Variants in COL6A1 observed in about 807,000 individuals in gnomAD.
The protein encoded by COL6A1 is collagen alpha-1(VI) chain.
A neutral mutation model predicts 145.6 loss-of-function variants in COL6A1; 80 were observed. The observed-to-expected ratio is 0.55, with a 90% CI of 0.46 to 0.66. The LOEUF (loss-of-function observed/expected upper bound fraction) is 0.66. Ranked by LOEUF, COL6A1 falls within the 30% of genes least tolerant of loss-of-function variation. COL6A1 has a pLI of 0.00. For missense variants in COL6A1, 1,364 were observed against 1,473.8 expected (o/e 0.93, Z 1.22); for synonymous variants, 638 against 622.8 (o/e 1.02, Z -0.36).
At chr21:45,992,880 C>G in intron 19 of COL6A1, 70 bp downstream of exon 19, 1 of 1,379,366 alleles carries the variant, frequency 7.2e-7, no homozygotes, top group Non-Finnish European at 1.0e-6. Flanking sequence ...CTGGGTCAGG[C>G]CTCCAGAGCC....
chr21:45,988,586 G>A (rs979989086), intron 8 of COL6A1, among the ~76,000 whole-genome samples: 2 of 152,132 alleles, frequency 1.3e-5, no homozygotes, highest in Non-Finnish European at 2.9e-5. Context: ...GCCCTCAGCC[G>A]CACTCTGTTC....
Position 45,998,104 on chromosome 21 carries a change from C to T in COL6A1, c.1525-17C>T. On this transcript the variant is annotated splice_polypyrimidine_tract_variant and intron_variant, in intron 22 of 34. Coordinates refer to ENST00000361866, the MANE Select transcript of COL6A1 (RefSeq NM_001848.3). The stretch of plus-strand genomic sequence containing the variant: ...GCCAGGCCGATTCGCACGGTGACGG[C>T]TACTCTGCTCCCCCAGGGAGAAGAC... 1 of 1,611,772 alleles carries T rather than the reference C, an allele frequency of 6.2e-7. No homozygotes were observed. The highest frequency in any genetic ancestry group is 1.1e-5 in the South Asian group (1 of 90,898).
chr21:45,990,325 G>A (rs371325737), intron 12 of COL6A1, 41 bp downstream of exon 12: 326 of 1,612,532 alleles, frequency 2.0e-4, no homozygotes, highest in Non-Finnish European at 2.7e-4. Context: ...CTGCCCCCAC[G>A]GCAGCATGTC....
At chr21:45,983,683 C>T (rs549300680) in intron 2 of COL6A1, among the ~76,000 whole-genome samples, 127 of 152,114 alleles carry the variant, frequency 8.3e-4, no homozygotes, top group Non-Finnish European at 1.4e-3. Flanking sequence ...CTGTGGATGG[C>T]ACCGGGGAGG....
intron 2 of COL6A1, among the ~76,000 whole-genome samples, chr21:45,983,333 G>A (rs971861529): frequency 6.6e-6 from 1 of 151,028 alleles, no homozygotes; most frequent in Non-Finnish European, 1.5e-5. Flanking sequence ...CCATCTGTGC[G>A]TGTGGCTGAG....
rs1330933906 is a variant in COL6A1 at position 46,002,345 on chromosome 21, TCAGA to T, written c.2197_2200del (p.Asp733LeufsTer69). On this transcript the variant is annotated frameshift_variant, in exon 32 of 35. Coordinates refer to ENST00000361866, the MANE Select transcript of COL6A1 (RefSeq NM_001848.3). LOFTEE classifies it high-confidence loss of function. ...CGCCCTGGTCATCACTGACGGGCGC[TCAGA>T]CACTCAGAGGGACACCACACCGCTC... 2 of 1,591,540 alleles carry T rather than the reference TCAGA, an allele frequency of 1.3e-6. No homozygotes were observed. The highest frequency in any genetic ancestry group is 1.7e-6 in the Non-Finnish European group (2 of 1,169,846).
chr21:45,987,198 C>G (rs1213674923), intron 6 of COL6A1, 23 bp downstream of exon 6: 1 of 1,591,280 alleles, frequency 6.3e-7, no homozygotes, highest in East Asian at 2.2e-5. Context: ...CCCACCACCC[C>G]CAGCCGTGAG....
Position 46,004,104 on chromosome 21 carries a change from C to T in COL6A1, c.*91C>T. The T allele has an allele frequency of 2.0e-6, 3 of 1,519,186 alleles. No individual in the cohort carries two copies. Among genetic ancestry groups the T allele is most frequent in the Non-Finnish European group, 2.7e-6 (3 of 1,109,870 alleles). 94.1% of individuals were successfully genotyped at this position (1,519,186 alleles called of 1,614,324 possible). ...AAAATGTGATGCGAATTTTCCCGAC[C>T]AACCTGATTCGCTAGATTTTTTTTA... On this transcript the variant is annotated 3_prime_UTR_variant, in exon 35 of 35. Coordinates refer to ENST00000361866, the MANE Select transcript of COL6A1 (RefSeq NM_001848.3).
At chr21:45,986,208 C>A (rs1399252878) in intron 3 of COL6A1, among the ~76,000 whole-genome samples, 2 of 152,162 alleles carry the variant, frequency 1.3e-5, no homozygotes, top group African/African-American at 4.8e-5. Context: ...GGGGCACGCT[C>A]CCTGCCACCC....
intron 11 of COL6A1, 82 bp from the exon 12 acceptor site, chr21:45,990,176 C>T (rs2077766292): frequency 5.1e-6 from 8 of 1,561,584 alleles, no homozygotes; most frequent in African/African-American, 1.4e-5. Context: ...ACCCAAGCCC[C>T]TGCCTCGCGT....
intron 29 of COL6A1, 141 bp downstream of exon 29, chr21:46,000,908 G>T: frequency 2.7e-6 from 3 of 1,107,228 alleles, no homozygotes; most frequent in Non-Finnish European, 4.1e-6. Flanking sequence ...CCCCTCTGGG[G>T]CCTGCTCCAA....
Position 45,986,946 on chromosome 21 carries a change from G to A in COL6A1, c.591G>A (p.Glu197=), listed in dbSNP as rs368545556. The change falls in exon 5 of 35, where the codon GAG becomes GAA. Residue 197 remains glutamate (E), a splice_region_variant and synonymous_variant. Transcript: ENST00000361866. ...CCCACCCTGAACACTGCCCCCAGGA[G>A]CCGCGTCTGAGCATCATCGCCACGG... ...FSVAITPDHL[E]PRLSIIATDH... The A allele has an allele frequency of 6.5e-7, 1 of 1,548,572 alleles. No individual in the cohort carries two copies. Among genetic ancestry groups the A allele is most frequent in the Non-Finnish European group, 8.7e-7 (1 of 1,150,276 alleles).
intron 32 of COL6A1, 54 bp from the exon 33 acceptor site, chr21:46,002,473 A>T: frequency 6.2e-7 from 1 of 1,613,424 alleles, no homozygotes; most frequent in Non-Finnish European, 8.5e-7. Context: ...CCTTGTCCCC[A>T]GAAAGACGAG....
Position 45,998,175 on chromosome 21 carries a change from A to G in COL6A1, c.1575+4A>G, listed in dbSNP as rs1306019240. The G allele has an allele frequency of 1.2e-6, 2 of 1,611,788 alleles. No individual in the cohort carries two copies. Among genetic ancestry groups the G allele is most frequent in the Admixed American group, 1.7e-5 (1 of 59,938 alleles). ...CGAGGGCTTCCCCGGCTTCCCCGTAAGTGTCCGGAGGCTGAGCCCACAGGA... is the reference window on the plus strand; with the variant it reads ...CGAGGGCTTCCCCGGCTTCCCCGTAGGTGTCCGGAGGCTGAGCCCACAGGA... On this transcript the variant is annotated splice_donor_region_variant and intron_variant, in intron 23 of 34. Coordinates refer to ENST00000361866, the MANE Select transcript of COL6A1 (RefSeq NM_001848.3).
In COL6A1 at chr21:45,981,935, G is replaced by A. The variant is rs766057159; in HGVS notation, c.85G>A (p.Val29Met). 10 of 1,606,462 alleles carry A rather than the reference G, an allele frequency of 6.2e-6. No individual in the cohort carries two copies. Among genetic ancestry groups the A allele is most frequent in the Admixed American group, 3.4e-5 (2 of 59,574 alleles). The change falls in exon 1 of 35, where the codon GTG becomes ATG. Residue 29 changes from valine (V) to methionine (M), a missense_variant. By Grantham distance (21) the Val-to-Met change is conservative (BLOSUM62 1). Transcript: ENST00000361866. The stretch of plus-strand genomic sequence containing the variant: ...GGATGAGCCGGAGACCCCGAGGGCC[G>A]TGGCCTTCCAGGGTGAGTGGTGGCT... ...AQDEPETPRA[V>M]AFQDCPVDLF...
At position 45,994,149 on chromosome 21, in the gene COL6A1, C is replaced by G; in HGVS notation, c.1336-18C>G. The G allele has an allele frequency of 6.3e-7, 1 of 1,589,198 alleles. No homozygotes were observed. The highest frequency in any genetic ancestry group is 8.6e-7 in the Non-Finnish European group (1 of 1,168,748). On this transcript the variant is annotated intron_variant, in intron 19 of 34. Coordinates refer to ENST00000361866, the MANE Select transcript of COL6A1 (RefSeq NM_001848.3). The surrounding 1 kb of genome is among the most constrained non-coding windows in gnomAD (Gnocchi z 6.8). ...CAAGGATGGCCCAGCTCCACACTCA[C>G]GGCTCGTTTCTCTTCAGGGTGAAGC...
At position 45,991,031 on chromosome 21, in the gene COL6A1, A is replaced by C; in HGVS notation, c.1109A>C (p.Lys370Thr). 1 of 1,613,236 alleles carries C rather than the reference A, an allele frequency of 6.2e-7. No homozygotes were observed. Among genetic ancestry groups the C allele is most frequent in the Non-Finnish European group, 8.5e-7 (1 of 1,179,872 alleles). The change falls in exon 15 of 35, where the codon AAA becomes ACA. Residue 370 changes from lysine (K) to threonine (T), a missense_variant. Lys to Thr is a moderately conservative substitution (Grantham distance 78, BLOSUM62 -1). Transcript: ENST00000361866. Reference sequence around the variant, plus strand: ...GGAGACCCCGGTGCCTTTGGACTGAAAGGAGAAAAGGTGAGTGACTTGCGG... The same window carrying C: ...GGAGACCCCGGTGCCTTTGGACTGACAGGAGAAAAGGTGAGTGACTTGCGG... The part of the protein sequence containing the change: ...PKGDPGAFGL[K>T]GEKGEPGADG...
intron 3 of COL6A1, among the ~76,000 whole-genome samples, chr21:45,985,272 A>G (rs1416838943): frequency 6.6e-6 from 1 of 151,936 alleles, no homozygotes; most frequent in African/African-American, 2.4e-5. Context: ...AGAGATAGAG[A>G]CAGAGGGACA....
At chr21:46,002,997 G>C (rs995195316) in intron 33 of COL6A1, 123 bp from the exon 34 acceptor site, 9 of 1,432,560 alleles carry the variant, frequency 6.3e-6, no homozygotes, top group African/African-American at 1.4e-5. Context: ...TCCTCCTCCC[G>C]GCTCGCTGTG....
Sources: allele counts gnomAD v4.1 joint callset (sites outside exome capture counted in the v4.1 genomes callset), GRCh38; gene constraint gnomAD v4.1.1; non-coding constraint Gnocchi (gnomAD v3.1); transcripts MANE v1.5; gene names NCBI Gene and HGNC (gene_info 2026-07-23, HGNC 2026-07-21).